Variants in TMEM163 observed in about 807,000 individuals in gnomAD.
TMEM163 encodes the protein transmembrane protein 163.
In TMEM163, 17 loss-of-function variants were observed where a neutral mutation model predicts 29.3. The observed-to-expected ratio is 0.58, with a 90% CI of 0.40 to 0.87. The LOEUF is 0.87. TMEM163 is among the 40% of genes least tolerant of loss of function. TMEM163 has a pLI of 0.00. For synonymous variants in TMEM163, 157 were observed against 160.6 expected (o/e 0.98, Z 0.17); for missense variants, 303 against 381.5 (o/e 0.79, Z 1.71).
intron 2 of TMEM163, among the ~76,000 whole-genome samples, chr2:134,705,229 A>G (rs1684784770): frequency 6.6e-6 from 1 of 151,940 alleles, no homozygotes; most frequent in African/African-American, 2.4e-5. Flanking sequence ...AAAAAATTCA[A>G]ATGTTGATGC....
intron 2 of TMEM163, among the ~76,000 whole-genome samples, chr2:134,662,834 C>A (rs1683786045): frequency 6.6e-6 from 1 of 152,176 alleles, no homozygotes; most frequent in African/African-American, 2.4e-5. Flanking sequence ...TTCTCTGCAC[C>A]ATGCCTGGCA....
intron 2 of TMEM163, among the ~76,000 whole-genome samples, chr2:134,624,071 T>G (rs996085827): frequency 6.6e-6 from 1 of 152,222 alleles, no homozygotes; most frequent in Admixed American, 6.5e-5. Context: ...TGGTTGAAGA[T>G]GGCAGGCAAT....
intron 2 of TMEM163, among the ~76,000 whole-genome samples, chr2:134,628,520 G>T (rs1383060775): frequency 6.6e-6 from 1 of 152,214 alleles, no homozygotes; most frequent in African/African-American, 2.4e-5. Context: ...TGTTCTGAGG[G>T]ACTGGAGTGT....
intron 2 of TMEM163, among the ~76,000 whole-genome samples, chr2:134,615,936 C>T (rs954021510): frequency 9.2e-5 from 14 of 152,156 alleles, no homozygotes; most frequent in Admixed American, 2.6e-4. Flanking sequence ...GAATTACAGG[C>T]GTGAGCCACC....
chr2:134,485,410 G>T (rs1299009911), intron 5 of TMEM163, among the ~76,000 whole-genome samples: 1 of 152,182 alleles, frequency 6.6e-6, no homozygotes, highest in Non-Finnish European at 1.5e-5. Context: ...ATCCTAAGCG[G>T]AACCATCGTA....
At chr2:134,641,345 T>C (rs990726232) in intron 2 of TMEM163, among the ~76,000 whole-genome samples, 1 of 152,154 alleles carries the variant, frequency 6.6e-6, no homozygotes, top group Non-Finnish European at 1.5e-5. Flanking sequence ...TAACTAGAAA[T>C]TGATTGTGAG....
intron 5 of TMEM163, among the ~76,000 whole-genome samples, chr2:134,485,461 A>T (rs889570598): frequency 1.3e-5 from 2 of 152,208 alleles, no homozygotes; most frequent in Admixed American, 6.5e-5. Flanking sequence ...TATTACAAGG[A>T]GTCGGCTTGT....
intron 5 of TMEM163, among the ~76,000 whole-genome samples, chr2:134,494,924 G>T (rs1000818079): frequency 1.3e-5 from 2 of 152,134 alleles, no homozygotes; most frequent in African/African-American, 4.8e-5. Flanking sequence ...CGGCAGACAC[G>T]CTGACTGCAT....
chr2:134,714,421 C>A (rs184096836), intron 1 of TMEM163, among the ~76,000 whole-genome samples: 1 of 152,344 alleles, frequency 6.6e-6, no homozygotes, highest in Non-Finnish European at 1.5e-5. Context: ...AGACATATCA[C>A]ACCTACGCAT....
intron 4 of TMEM163, among the ~76,000 whole-genome samples, chr2:134,537,824 G>A (rs181935771): frequency 6.6e-6 from 1 of 152,310 alleles, no homozygotes; most frequent in East Asian, 1.9e-4. Flanking sequence ...GTGAGGTGCA[G>A]GGCCTCCTGG....
chr2:134,547,722 T>C (rs988629910), intron 4 of TMEM163, among the ~76,000 whole-genome samples: 5 of 152,348 alleles, frequency 3.3e-5, no homozygotes, highest in Middle Eastern at 3.4e-3. Flanking sequence ...TCCAAGTGAA[T>C]TCATTGGCAT....
At chr2:134,461,434 G>A (rs1686532967) in intron 6 of TMEM163, among the ~76,000 whole-genome samples, 1 of 152,196 alleles carries the variant, frequency 6.6e-6, no homozygotes, top group South Asian at 2.1e-4. Flanking sequence ...AGCTGTTCCT[G>A]TAGGACTGAA....
chr2:134,538,417 GCCCAAAC>G lies in TMEM163; in HGVS notation c.458+12146_458+12152del, dbSNP rs1257676394. On this transcript the variant is annotated intron_variant, in intron 4 of 7. Coordinates refer to ENST00000281924, the MANE Select transcript of TMEM163 (RefSeq NM_030923.5). Reference sequence around the variant, plus strand: ...CAGTCTATGATATTTCATTACAGCAGCCCAAACAATGACACATAGCAATTCCACTCCT... The same window carrying G: ...CAGTCTATGATATTTCATTACAGCAGAATGACACATAGCAATTCCACTCCT... Among the ~76,000 whole-genome samples the G allele has an allele frequency of 7.2e-5, 11 of 152,256 alleles. No homozygotes were observed. The East Asian group carries it at 2.1e-3, about 29-fold the overall frequency.
At position 134,683,185 on chromosome 2, in the gene TMEM163, A is replaced by G. The variant is rs566995761; in HGVS notation, c.322+30015T>C. The stretch of plus-strand genomic sequence containing the variant: ...TAATGGTGGATACATGTCATTGTAC[A>G]TTTGTTCAAACCCACAGAATGTACA... On this transcript the variant is annotated intron_variant, in intron 2 of 7. Transcript: ENST00000281924. Among the ~76,000 whole-genome samples the G allele has an allele frequency of 2.9e-3, 439 of 152,334 alleles. 2 individuals carry two copies. Among genetic ancestry groups the G allele is most frequent in the Admixed American group, 9.5e-3 (146 of 15,302 alleles).
rs6712028 is a variant in TMEM163, at chr2:134,584,741, A to G, written c.323-32650T>C. On this transcript the variant is annotated intron_variant, in intron 2 of 7. Coordinates refer to ENST00000281924, the MANE Select transcript of TMEM163 (RefSeq NM_030923.5). The stretch of plus-strand genomic sequence containing the variant: ...CCAGAGAGTCTGGGTGGCAACTTTT[A>G]CCGGATTCAGACACAAATGTTCATT... Among the ~76,000 whole-genome samples, 362 of 152,264 alleles carry G rather than the reference A, an allele frequency of 2.4e-3. 1 individual carries two copies. The highest frequency in any genetic ancestry group is 8.5e-3 in the African/African-American group (352 of 41,546).
At chr2:134,486,740 T>C (rs1458316598) in intron 5 of TMEM163, among the ~76,000 whole-genome samples, 1 of 152,216 alleles carries the variant, frequency 6.6e-6, no homozygotes, top group Non-Finnish European at 1.5e-5. Flanking sequence ...GCCTAGTTCA[T>C]TACATGTGGT....
chr2:134,459,857 C>G (rs934436886), intron 6 of TMEM163, among the ~76,000 whole-genome samples: 2 of 152,016 alleles, frequency 1.3e-5, no homozygotes, highest in African/African-American at 4.8e-5. Flanking sequence ...GAGCCCTGCT[C>G]CCCTCAATTC....
At chr2:134,647,559 T>C (rs769678566) in intron 2 of TMEM163, among the ~76,000 whole-genome samples, 1 of 152,290 alleles carries the variant, frequency 6.6e-6, no homozygotes, top group Admixed American at 6.5e-5. Flanking sequence ...GTGGAGGTTA[T>C]AGACTAGGTC....
chr2:134,585,659 G>A (rs900528086), intron 2 of TMEM163, among the ~76,000 whole-genome samples: 17 of 151,782 alleles, frequency 1.1e-4, no homozygotes, highest in Admixed American at 2.0e-4. Flanking sequence ...GGAGGATGGC[G>A]TGAACCCGGG....
Sources: gnomAD v4.1 joint callset for allele counts (sites outside exome capture counted in the v4.1 genomes callset) on GRCh38, gnomAD v4.1.1 for gene constraint, MANE v1.5 for transcripts, NCBI Gene and HGNC (gene_info 2026-07-23, HGNC 2026-07-21) for gene names.